WDR70: variants seen among roughly 807,000 people sequenced by gnomAD.
WDR70 encodes WD repeat-containing protein 70.
WDR70 carries 53 observed loss-of-function variants against 88.6 expected under a neutral mutation model. The observed-to-expected ratio is 0.60, with a 90% CI of 0.48 to 0.75. The LOEUF is 0.75. WDR70 is among the 30% of genes least tolerant of loss of function. The pLI is 0.00. For missense variants in WDR70, 610 were observed against 823.2 expected (o/e 0.74, Z 3.17); for synonymous variants, 280 against 270.0 (o/e 1.04, Z -0.36).
intron 9 of WDR70, among the ~76,000 whole-genome samples, chr5:37,519,852 A>G (rs1050193007): frequency 6.6e-6 from 1 of 152,214 alleles, no homozygotes; most frequent in African/African-American, 2.4e-5. Context: ...GACCCTCCAA[A>G]CTGTTCTTCA....
At chr5:37,595,508 G>A (rs1231305876) in intron 9 of WDR70, among the ~76,000 whole-genome samples, 2 of 152,114 alleles carry the variant, frequency 1.3e-5, no homozygotes, top group Non-Finnish European at 2.9e-5. Context: ...TAACATTTCA[G>A]TTCTTCCCAA....
intron 10 of WDR70, among the ~76,000 whole-genome samples, chr5:37,622,732 G>A (rs1056132651): frequency 6.6e-5 from 10 of 152,008 alleles, no homozygotes; most frequent in Admixed American, 2.6e-4. Context: ...CACACACTGG[G>A]GCCTGTTGTG....
chr5:37,381,716 G>T, intron 3 of WDR70, 31 bp downstream of exon 3: 1 of 1,593,498 alleles, frequency 6.3e-7, no homozygotes, highest in Non-Finnish European at 8.6e-7. Context: ...TTCTTTTATT[G>T]GTTTAAGTAC....
intron 5 of WDR70, among the ~76,000 whole-genome samples, chr5:37,405,573 C>G (rs977145554): frequency 5.9e-5 from 9 of 151,850 alleles, no homozygotes; most frequent in African/African-American, 2.2e-4. Flanking sequence ...TGCCGATAAT[C>G]AGAAACAATT....
In WDR70 at chr5:37,407,832, C is replaced by T. The variant is rs187781913; in HGVS notation, c.492+11262C>T. ...GTGTGAGCCACAGGCAGGTGAGCCACTGTGCCCAGCCTAACCATGCTTTTA... is the reference window on the plus strand; with the variant it reads ...GTGTGAGCCACAGGCAGGTGAGCCATTGTGCCCAGCCTAACCATGCTTTTA... On this transcript the variant is annotated intron_variant, in intron 5 of 17. Transcript: ENST00000265107. Among the ~76,000 whole-genome samples, 21 of 152,162 alleles carry T rather than the reference C, an allele frequency of 1.4e-4. No homozygotes were observed. The East Asian group carries it at 4.1e-3, about 29-fold the overall frequency.
Position 37,640,211 on chromosome 5 carries a change from T to G in WDR70, c.1092+34973T>G, listed in dbSNP as rs1745069374. ...CATGAAAAATGAGCGTTTCACTGATTTGTCTTTATTAAGAGCAAAAAATTC... is the reference window on the plus strand; with the variant it reads ...CATGAAAAATGAGCGTTTCACTGATGTGTCTTTATTAAGAGCAAAAAATTC... On this transcript the variant is annotated intron_variant, in intron 10 of 17. Transcript: ENST00000265107. Among the ~76,000 whole-genome samples the G allele has an allele frequency of 2.0e-5, 3 of 152,312 alleles. No homozygotes were observed. In the South Asian group the frequency reaches 6.2e-4, roughly 32 times the overall value.
intron 10 of WDR70, among the ~76,000 whole-genome samples, chr5:37,609,284 CTT>C (rs1306708720): frequency 1.3e-5 from 2 of 152,114 alleles, no homozygotes; most frequent in African/African-American, 2.4e-5. Context: ...GTTCATGTCT[CTT>C]TATAATTCTG....
chr5:37,592,069 A>G (rs1386764269), intron 9 of WDR70, among the ~76,000 whole-genome samples: 1 of 152,210 alleles, frequency 6.6e-6, no homozygotes, highest in Non-Finnish European at 1.5e-5. Flanking sequence ...GGTTCAGGTC[A>G]AATATCTATT....
chr5:37,664,781 G>T (rs1745792476), intron 10 of WDR70, among the ~76,000 whole-genome samples: 1 of 152,202 alleles, frequency 6.6e-6, no homozygotes, highest in African/African-American at 2.4e-5. Flanking sequence ...CATAACAAGG[G>T]CTCCTAAATG....
chr5:37,486,502 G>A (rs1034296697), intron 8 of WDR70, among the ~76,000 whole-genome samples: 1 of 151,304 alleles, frequency 6.6e-6, no homozygotes, highest in African/African-American at 2.4e-5. Flanking sequence ...CGACACCCAC[G>A]CTGGGCTAAT....
At position 37,416,689 on chromosome 5, in the gene WDR70, C is replaced by T. The variant is rs1695837799; in HGVS notation, c.492+20119C>T. The stretch of plus-strand genomic sequence containing the variant: ...CCACCTCCCAGGCTCAAGCGATTTT[C>T]GTGCCTCAGCCCCCTGAGTAACTGA... On this transcript the variant is annotated intron_variant, in intron 5 of 17. Coordinates refer to ENST00000265107, the MANE Select transcript of WDR70 (RefSeq NM_018034.4). Among the ~76,000 whole-genome samples the T allele has an allele frequency of 3.3e-5, 5 of 151,306 alleles. No individual in the cohort carries two copies. The South Asian group carries it at 6.2e-4, about 19-fold the overall frequency.
At position 37,444,656 on chromosome 5, in the gene WDR70, C is replaced by T. The variant is rs190944294; in HGVS notation, c.686+1284C>T. ...CCGCGCCTGGCCCATAAGACACTCT[C>T]TTTTCTGTTTTTGACCATATCTGAT... is the stretch of plus-strand genomic sequence containing the variant. On this transcript the variant is annotated intron_variant, in intron 7 of 17. Transcript: ENST00000265107. Among the ~76,000 whole-genome samples, 657 of 152,236 alleles carry T rather than the reference C, an allele frequency of 4.3e-3. 5 individuals are homozygous for T. The highest frequency in any genetic ancestry group is 0.015 in the Admixed American group (233 of 15,282).
At chr5:37,505,267 T>C (rs1427539369) in intron 8 of WDR70, among the ~76,000 whole-genome samples, 2 of 152,214 alleles carry the variant, frequency 1.3e-5, no homozygotes, top group Admixed American at 1.3e-4. Context: ...AATTATTTGG[T>C]ATTTGAATTA....
chr5:37,514,781 C>T (rs902253114), intron 8 of WDR70, among the ~76,000 whole-genome samples: 9 of 151,876 alleles, frequency 5.9e-5, no homozygotes, highest in Non-Finnish European at 1.2e-4. Flanking sequence ...CTTTGGGAGG[C>T]GAGGCAAGCG....
At chr5:37,588,344 T>A (rs1049736534) in intron 9 of WDR70, among the ~76,000 whole-genome samples, 2 of 151,792 alleles carry the variant, frequency 1.3e-5, no homozygotes, top group African/African-American at 4.8e-5. Flanking sequence ...GAATAGTGCT[T>A]AGCATCTACA....
chr5:37,424,246 A>T (rs1034145474), intron 5 of WDR70, among the ~76,000 whole-genome samples: 2 of 150,528 alleles, frequency 1.3e-5, no homozygotes, highest in African/African-American at 4.9e-5. Flanking sequence ...GTGTTCTTAC[A>T]GATGTCTCTG....
intron 7 of WDR70, among the ~76,000 whole-genome samples, chr5:37,461,883 C>A (rs1351708609): frequency 6.6e-6 from 1 of 152,120 alleles, no homozygotes; most frequent in East Asian, 1.9e-4. Flanking sequence ...GTGCCTGCTG[C>A]CTAATTTTTG....
rs1554144054 is a variant in WDR70, at chr5:37,499,593, C to CTCTCTCTCTCTT, written c.841-16910_841-16909insTTCTCTCTCTCT. 7.4e-3 allele frequency among the ~76,000 whole-genome samples: 373 copies of CTCTCTCTCTCTT among 50,082 alleles called. 10 individuals are homozygous for CTCTCTCTCTCTT. Among genetic ancestry groups the CTCTCTCTCTCTT allele is most frequent in the African/African-American group, 0.016 (351 of 22,028 alleles). The allele number at this position is 50,082 out of a possible 152,430, so 32.9% of individuals were successfully genotyped here. ...AATATGTGATTTGGAAATATTCTCT[C>CTCTCTCTCTCTT]TCTCTCTCTCTCTCTCTCTCTCTCT... On this transcript the variant is annotated intron_variant, in intron 8 of 17. Coordinates refer to ENST00000265107, the MANE Select transcript of WDR70 (RefSeq NM_018034.4).
At chr5:37,588,435 A>G (rs1743426484) in intron 9 of WDR70, among the ~76,000 whole-genome samples, 2 of 152,134 alleles carry the variant, frequency 1.3e-5, no homozygotes, top group Non-Finnish European at 2.9e-5. Flanking sequence ...GTTAGAGGGA[A>G]AAAAGGAACC....
Sources: allele counts gnomAD v4.1 joint callset (sites outside exome capture counted in the v4.1 genomes callset), GRCh38; gene constraint gnomAD v4.1.1; transcripts MANE v1.5; gene names NCBI Gene and HGNC (gene_info 2026-07-23, HGNC 2026-07-21).